The following SPTB variants were observed in gnomAD, a reference collection of about 807,000 sequenced individuals.
The protein encoded by SPTB is spectrin beta chain, erythrocytic.
In SPTB, 45 loss-of-function variants were observed where a neutral mutation model predicts 256.2. The ratio of observed to expected loss-of-function variants is 0.18; its 90% CI spans 0.14 to 0.23. The LOEUF (loss-of-function observed/expected upper bound fraction) is 0.23, where lower values mean the gene tolerates loss of function less well. Among genes scored for constraint, SPTB ranks in the 10% least tolerant of loss-of-function variants. The pLI, the probability that SPTB is intolerant of heterozygous loss-of-function variation, is 1.00. For missense variants in SPTB, 2,715 were observed against 3,040.4 expected, an observed-to-expected ratio of 0.89 and a Z score of 2.52; for synonymous variants, 1,231 against 1,243.1, an observed-to-expected ratio of 0.99 and a Z score of 0.21.
intron 1 of SPTB, among the ~76,000 whole-genome samples, chr14:64,830,530 C>T (rs1220722692): frequency 6.6e-6 from 1 of 151,972 alleles, no homozygotes; most frequent in Non-Finnish European, 1.5e-5. Flanking sequence ...CTCAGTTATC[C>T]CATGTACATG....
intron 1 of SPTB, among the ~76,000 whole-genome samples, chr14:64,840,011 C>A (rs1345495707): frequency 2.0e-5 from 3 of 152,202 alleles, no homozygotes; most frequent in Non-Finnish European, 4.4e-5. Flanking sequence ...AAAGTTATCT[C>A]CTGCAATTTC....
intron 2 of SPTB, among the ~76,000 whole-genome samples, chr14:64,821,355 G>T (rs954543973): frequency 6.6e-6 from 1 of 152,108 alleles, no homozygotes; most frequent in African/African-American, 2.4e-5. Flanking sequence ...CAGGGGTTTA[G>T]CTTTAAACAT....
intron 1 of SPTB, among the ~76,000 whole-genome samples, chr14:64,869,595 C>T (rs1031485115): frequency 2.7e-5 from 4 of 150,332 alleles, no homozygotes; most frequent in Non-Finnish European, 5.9e-5. Flanking sequence ...CAGGTGTGAG[C>T]CACTGTGCTT....
chr14:64,788,972 C>T (rs1411847582), intron 15 of SPTB, among the ~76,000 whole-genome samples: 1 of 152,180 alleles, frequency 6.6e-6, no homozygotes, highest in Non-Finnish European at 1.5e-5. Context: ...AGTTTTTTCC[C>T]AGTTCACTCA....
intron 1 of SPTB, among the ~76,000 whole-genome samples, chr14:64,850,034 C>T (rs573753365): frequency 2.0e-4 from 31 of 152,182 alleles, no homozygotes; most frequent in Admixed American, 5.2e-4. Flanking sequence ...TGCACGGCTA[C>T]GATCCACATT....
chr14:64,797,644 A>G (rs1212895823), intron 10 of SPTB, 85 bp downstream of exon 10: 1 of 1,114,012 alleles, frequency 9.0e-7, no homozygotes, highest in East Asian at 2.3e-5. Context: ...GGCTTGGTTT[A>G]ATCTGGTCCA....
At chr14:64,754,226 G>T (rs1055703756) in intron 32 of SPTB, 1 of 314,646 alleles carries the variant, frequency 3.2e-6, no homozygotes, top group Non-Finnish European at 6.2e-6. Context: ...AGACAAGTTC[G>T]GCAACCACTT....
Position 64,791,751 on chromosome 14 carries a change from C to T in SPTB, c.2772G>A (p.Glu924=). 3 of 1,614,150 alleles carry T rather than the reference C, an allele frequency of 1.9e-6. No individual in the cohort carries two copies. Among genetic ancestry groups the T allele is most frequent in the Non-Finnish European group, 2.5e-6 (3 of 1,180,034 alleles). Reference sequence around the variant, plus strand: ...TCAGATGGTCCTGGTACTGCTTCACCTCCCTGCTGCGTGGGTGGCCACTCT... The same window carrying T: ...TCAGATGGTCCTGGTACTGCTTCACTTCCCTGCTGCGTGGGTGGCCACTCT... The part of the protein sequence containing the change: ...LVESGHPRSR[E]VKQYQDHLNT... Residue 924 remains glutamate, a synonymous_variant, in exon 15 of 36, where the codon GAG becomes GAA. Coordinates refer to ENST00000644917, the MANE Select transcript of SPTB (RefSeq NM_001355436.2).
At position 64,767,827 on chromosome 14, in the gene SPTB, A is replaced by G. The variant is rs121918648; in HGVS notation, c.6055T>C (p.Ser2019Pro). The G allele has an allele frequency of 6.2e-7, 1 of 1,614,042 alleles. No individual in the cohort carries two copies. ...LEVCQFSRDA[S>P]VAEAWLIAQE... ...GCAATCAGCCACGCCTCAGCCACAG[A>G]GGCATCCCTCGAGAACTGGCACACC... Residue 2019 changes from serine to proline, a missense_variant, in exon 30 of 36, where the codon TCT becomes CCT. By Grantham distance (74) the Ser-to-Pro change is moderately conservative. This residue lies in a region of SPTB where 2,239 missense variants were observed against 2,384.4 expected (regional missense o/e 0.94). Coordinates refer to ENST00000644917, the MANE Select transcript of SPTB (RefSeq NM_001355436.2).
chr14:64,788,018 T>C (rs1228596671), intron 15 of SPTB, among the ~76,000 whole-genome samples: 1 of 152,200 alleles, frequency 6.6e-6, no homozygotes, highest in African/African-American at 2.4e-5. Flanking sequence ...TGGGAGAATA[T>C]AGACATAACC....
intron 1 of SPTB, among the ~76,000 whole-genome samples, chr14:64,870,902 G>A (rs1882490596): frequency 6.6e-6 from 1 of 152,188 alleles, no homozygotes. Flanking sequence ...GACAGATGGA[G>A]GGAGAGGGAA....
At chr14:64,776,872 C>T (rs1448218205) in intron 22 of SPTB, among the ~76,000 whole-genome samples, 2 of 152,090 alleles carry the variant, frequency 1.3e-5, no homozygotes, top group African/African-American at 4.8e-5. Context: ...TGTACCAGAC[C>T]CTGGTCTAGG....
At chr14:64,869,109 G>A (rs187046233) in intron 1 of SPTB, among the ~76,000 whole-genome samples, 4 of 151,884 alleles carry the variant, frequency 2.6e-5, no homozygotes, top group Admixed American at 2.0e-4. Context: ...GTGGTTCAAA[G>A]CAAGCACTCT....
intron 28 of SPTB, 122 bp from the exon 29 acceptor site, chr14:64,769,240 G>T: frequency 1.0e-6 from 1 of 988,974 alleles, no homozygotes; most frequent in Non-Finnish European, 1.6e-6. Flanking sequence ...TCAAGTCTTG[G>T]CCCAGCTGCT....
chr14:64,862,698 AC>A (rs1881920216), intron 1 of SPTB, among the ~76,000 whole-genome samples: 1 of 151,878 alleles, frequency 6.6e-6, no homozygotes. Flanking sequence ...ACATGGTGAA[AC>A]CCCGTCTCTA....
chr14:64,780,643 C>T (rs900877957), intron 20 of SPTB, among the ~76,000 whole-genome samples: 1 of 152,184 alleles, frequency 6.6e-6, no homozygotes, highest in Non-Finnish European at 1.5e-5. Flanking sequence ...GAACTCCTGA[C>T]CTCAGGTGAT....
chr14:64,806,808 A>G lies in SPTB; in HGVS notation c.149-1718T>C, dbSNP rs1018715635. On this transcript the variant is annotated intron_variant, in intron 2 of 35. Coordinates refer to ENST00000644917, the MANE Select transcript of SPTB (RefSeq NM_001355436.2). This position sits in a 1 kb window ranked among gnomAD's most constrained non-coding sequence, Gnocchi z 4.1. The stretch of plus-strand genomic sequence containing the variant: ...CGAGGGCTTGAGTCATACATGAAGA[A>G]TGAAGAATTCTACAGCAGCCATCTA... Among the ~76,000 whole-genome samples, 3 of 152,226 alleles carry G rather than the reference A, an allele frequency of 2.0e-5. No individual in the cohort carries two copies. Among genetic ancestry groups the G allele is most frequent in the African/African-American group, 7.2e-5 (3 of 41,466 alleles).
intron 19 of SPTB, among the ~76,000 whole-genome samples, chr14:64,783,374 G>T (rs2082506678): frequency 6.6e-6 from 1 of 152,046 alleles, no homozygotes; most frequent in African/African-American, 2.4e-5. Flanking sequence ...GATAATTTTT[G>T]TATTTTTAGT....
chr14:64,865,224 A>G (rs2139811051), intron 1 of SPTB, among the ~76,000 whole-genome samples: 1 of 152,112 alleles, frequency 6.6e-6, no homozygotes, highest in Admixed American at 6.5e-5. Flanking sequence ...CCAACAAAAT[A>G]CACTGCTCAC....
Sources: allele counts gnomAD v4.1 joint callset (sites outside exome capture counted in the v4.1 genomes callset), GRCh38; gene constraint gnomAD v4.1.1; regional missense constraint gnomAD v4.1.1; non-coding constraint Gnocchi (gnomAD v3.1); transcripts MANE v1.5; gene names NCBI Gene and HGNC (gene_info 2026-07-23, HGNC 2026-07-21).